Variants in LETM1 observed in about 807,000 individuals in gnomAD.
LETM1 encodes the protein leucine zipper and EF-hand containing transmembrane protein 1, also known as mitochondrial proton/calcium exchanger protein.
A neutral mutation model predicts 74.5 loss-of-function variants in LETM1; 50 were observed. That is an observed-to-expected ratio of 0.67 (90% CI 0.53 to 0.85). The LOEUF (loss-of-function observed/expected upper bound fraction) is 0.85. LETM1 is among the 40% of genes least tolerant of loss of function. The pLI, the probability that LETM1 is intolerant of heterozygous loss-of-function variation, is 0.00. For synonymous variants in LETM1, 446 were observed against 407.1 expected (o/e 1.10, Z -1.15); for missense variants, 824 against 967.8 (o/e 0.85, Z 1.97).
At chr4:1,844,216 C>G (rs142766830) in intron 2 of LETM1, among the ~76,000 whole-genome samples, 29 of 152,348 alleles carry the variant, frequency 1.9e-4, no homozygotes, top group African/African-American at 6.7e-4. Context: ...TAACATCCCC[C>G]GGCAAATCCC....
At chr4:1,839,042 G>A (rs1712584804) in intron 3 of LETM1, among the ~76,000 whole-genome samples, 1 of 152,186 alleles carries the variant, frequency 6.6e-6, no homozygotes, top group Admixed American at 6.6e-5. Context: ...CTTGGTGGCT[G>A]CATTAAACAA....
intron 10 of LETM1, among the ~76,000 whole-genome samples, chr4:1,819,976 T>C (rs1406757738): frequency 6.6e-6 from 1 of 152,210 alleles, no homozygotes; most frequent in Non-Finnish European, 1.5e-5. Flanking sequence ...CTCACTCTGT[T>C]GCCCAGGCTG....
chr4:1,827,122 T>C (rs1432647439), intron 6 of LETM1, among the ~76,000 whole-genome samples: 1 of 152,208 alleles, frequency 6.6e-6, no homozygotes, highest in Non-Finnish European at 1.5e-5. Flanking sequence ...TACTTTCTCT[T>C]ACTGTTTCCT....
At chr4:1,835,345 A>G (rs1319787065) in intron 4 of LETM1, among the ~76,000 whole-genome samples, 1 of 152,132 alleles carries the variant, frequency 6.6e-6, no homozygotes, top group Non-Finnish European at 1.5e-5. Context: ...AGGCTGAGGC[A>G]CAAGAATCGC....
rs1416600606 is a variant in LETM1 at position 1,836,812 on chromosome 4, A to T, written c.595-240T>A. Among the ~76,000 whole-genome samples the T allele has an allele frequency of 6.6e-6, 1 of 152,126 alleles. No homozygotes were observed. Among genetic ancestry groups the T allele is most frequent in the African/African-American group, 2.4e-5 (1 of 41,430 alleles). ...AAAGCAGGGTATGGTGCTGACACCA[A>T]GGGCCACTGGGTGCTCCCAGCGATC... On this transcript the variant is annotated intron_variant, in intron 3 of 13. Coordinates refer to ENST00000302787, the MANE Select transcript of LETM1 (RefSeq NM_012318.3). This position sits in a 1 kb window ranked among gnomAD's most constrained non-coding sequence, Gnocchi z 5.8.
rs1191181002 is a variant in LETM1 at position 1,836,128 on chromosome 4, C to T, written c.738+301G>A. 6.6e-6 allele frequency among the ~76,000 whole-genome samples: 1 copy of T among 150,684 alleles called. No homozygotes were observed. Among genetic ancestry groups the T allele is most frequent in the Non-Finnish European group, 1.5e-5 (1 of 67,698 alleles). On this transcript the variant is annotated intron_variant, in intron 4 of 13. Transcript: ENST00000302787. This position sits in a 1 kb window ranked among gnomAD's most constrained non-coding sequence, Gnocchi z 5.8. Reference sequence around the variant, plus strand: ...ACTTGGGAGGCTGAGGCAGGAGATTCGCTTGAACCCGGGAGGCAGAGGTTG... The same window carrying T: ...ACTTGGGAGGCTGAGGCAGGAGATTTGCTTGAACCCGGGAGGCAGAGGTTG...
chr4:1,853,958 C>T (rs958570861), intron 1 of LETM1, among the ~76,000 whole-genome samples: 3 of 152,258 alleles, frequency 2.0e-5, no homozygotes, highest in Admixed American at 1.3e-4. Context: ...ATGACAGAAT[C>T]GCACATAAAA....
At position 1,841,530 on chromosome 4, in the gene LETM1, G is replaced by A. The variant is rs148115434; in HGVS notation, c.411C>T (p.Gly137=). The part of the protein sequence containing the change: ...LKDKNKKLEE[G]GPVYSPPAEV... ...CTGCGGGGGGGCTGTACACCGGGCC[G>A]CCTTCCTCCAGCTTCTTGTTCTTGT... The change falls in exon 3 of 14, where the codon GGC becomes GGT. Residue 137 remains glycine (G), a synonymous_variant. Coordinates refer to ENST00000302787, the MANE Select transcript of LETM1 (RefSeq NM_012318.3). 195 of 1,614,206 alleles carry A rather than the reference G, an allele frequency of 1.2e-4. No individual in the cohort carries two copies. Among genetic ancestry groups the A allele is most frequent in the African/African-American group, 6.8e-4 (51 of 75,052 alleles).
chr4:1,847,471 GT>G (rs1480088387), intron 2 of LETM1, among the ~76,000 whole-genome samples: 1 of 152,120 alleles, frequency 6.6e-6, no homozygotes, highest in Non-Finnish European at 1.5e-5. Context: ...GACTGACGAG[GT>G]TTGGGGGAAC....
chr4:1,815,821 C>G lies in LETM1; in HGVS notation c.1932-19G>C, dbSNP rs373003100. 2 of 1,611,718 alleles carry G rather than the reference C, an allele frequency of 1.2e-6. No individual in the cohort carries two copies. The highest frequency in any genetic ancestry group is 1.7e-6 in the Non-Finnish European group (2 of 1,178,858). On this transcript the variant is annotated intron_variant, in intron 12 of 13. Transcript: ENST00000302787. ...GTTCTCCCTGTGGAAGCACAGCCTG[C>G]ATGTGGCCACGGGCAGGCGTCCTGC...
chr4:1,849,004 G>A (rs1183513313), intron 2 of LETM1, 145 bp downstream of exon 2: 4 of 645,810 alleles, frequency 6.2e-6, no homozygotes, highest in South Asian at 3.6e-5. Context: ...TTTTCAAAAT[G>A]GAAAGATAAA....
At chr4:1,830,521 G>C (rs894921974) in intron 6 of LETM1, among the ~76,000 whole-genome samples, 2 of 152,092 alleles carry the variant, frequency 1.3e-5, no homozygotes, top group African/African-American at 4.8e-5. Flanking sequence ...TTGTAGAGGT[G>C]GGGGGTCTCA....
intron 1 of LETM1, among the ~76,000 whole-genome samples, chr4:1,852,300 A>G (rs569569772): frequency 6.6e-6 from 1 of 152,306 alleles, no homozygotes; most frequent in South Asian, 2.1e-4. Context: ...ACAGTTTATT[A>G]TAAAGGGTAC....
At chr4:1,817,997 C>A (rs1447148900) in intron 11 of LETM1, among the ~76,000 whole-genome samples, 1 of 152,202 alleles carries the variant, frequency 6.6e-6, no homozygotes, top group East Asian at 1.9e-4. Context: ...CCAGGCCGGT[C>A]TCAAACTCCT....
At position 1,822,969 on chromosome 4, in the gene LETM1, G is replaced by T. The variant is rs1175755430; in HGVS notation, c.1476+19C>A. ...GCTCAGGACAGCCCCACGCGGCACG[G>T]AGCAGGACCACCGCTTACCGCCACC... is the stretch of plus-strand genomic sequence containing the variant. On this transcript the variant is annotated intron_variant, in intron 9 of 13. Coordinates refer to ENST00000302787, the MANE Select transcript of LETM1 (RefSeq NM_012318.3). 1 of 1,520,538 alleles carries T rather than the reference G, an allele frequency of 6.6e-7. No individual in the cohort carries two copies. Among genetic ancestry groups the T allele is most frequent in the South Asian group, 1.3e-5 (1 of 78,606 alleles). 94.2% of individuals were successfully genotyped at this position (1,520,538 alleles called of 1,614,324 possible). A position where few individuals can be genotyped will look rare whatever the true frequency, so the allele number is the denominator to read the frequency against.
chr4:1,852,307 G>A (rs1713095138), intron 1 of LETM1, among the ~76,000 whole-genome samples: 1 of 152,182 alleles, frequency 6.6e-6, no homozygotes, highest in Non-Finnish European at 1.5e-5. Context: ...ATTATAAAGG[G>A]TACCTGGTAC....
chr4:1,849,321 A>G, intron 1 of LETM1, 112 bp from the exon 2 acceptor site: 1 of 738,122 alleles, frequency 1.4e-6, no homozygotes, highest in Non-Finnish European at 2.4e-6. Context: ...CTAGAGTGCA[A>G]TGGCGTGATC....
intron 13 of LETM1, 63 bp from the exon 14 acceptor site, chr4:1,814,636 C>G: frequency 6.8e-7 from 1 of 1,468,458 alleles, no homozygotes; most frequent in Non-Finnish European, 9.4e-7. Context: ...GAGGCAGAGG[C>G]GGGGCCAGCG....
chr4:1,819,257 G>C (rs1711688700), intron 11 of LETM1, 81 bp downstream of exon 11: 1 of 1,367,478 alleles, frequency 7.3e-7, no homozygotes. Flanking sequence ...TCTGACGGAA[G>C]TATTATGTAT....
Sources: allele counts gnomAD v4.1 joint callset (sites outside exome capture counted in the v4.1 genomes callset), GRCh38; gene constraint gnomAD v4.1.1; non-coding constraint Gnocchi (gnomAD v3.1); transcripts MANE v1.5; gene names NCBI Gene and HGNC (gene_info 2026-07-23, HGNC 2026-07-21).